The following UNC5D variants were observed in gnomAD, a reference collection of about 807,000 sequenced individuals.
UNC5D encodes the protein unc-5 netrin receptor D.
UNC5D carries 39 observed loss-of-function variants against 105.4 expected under a neutral mutation model. The ratio of observed to expected loss-of-function variants is 0.37; its 90% CI spans 0.29 to 0.48. The LOEUF (loss-of-function observed/expected upper bound fraction) is 0.48. Ranked by LOEUF, UNC5D falls within the 20% of genes least tolerant of loss-of-function variation. The pLI is 0.98. For missense variants in UNC5D, 991 were observed against 1,202.4 expected, an observed-to-expected ratio of 0.82 and a Z score of 2.60; for synonymous variants, 452 against 450.4, an observed-to-expected ratio of 1.00 and a Z score of -0.04.
chr8:35,353,465 C>T (rs776696605), intron 1 of UNC5D, among the ~76,000 whole-genome samples: 5 of 152,120 alleles, frequency 3.3e-5, no homozygotes, highest in Non-Finnish European at 7.3e-5. Flanking sequence ...TATAGAATCT[C>T]CACGTACATA....
chr8:35,265,092 A>T (rs1804766246), intron 1 of UNC5D, among the ~76,000 whole-genome samples: 1 of 152,242 alleles, frequency 6.6e-6, no homozygotes, highest in Admixed American at 6.5e-5. Flanking sequence ...GAGGAAAAAC[A>T]GTAACAGTCA....
chr8:35,273,070 AG>A (rs759696139), intron 1 of UNC5D, among the ~76,000 whole-genome samples: 10 of 152,180 alleles, frequency 6.6e-5, no homozygotes, highest in Non-Finnish European at 1.0e-4. Flanking sequence ...GACAACTGAA[AG>A]TTGTCAGCCA....
chr8:35,502,797 C>A (rs746131279), intron 1 of UNC5D, among the ~76,000 whole-genome samples: 1 of 151,878 alleles, frequency 6.6e-6, no homozygotes, highest in Non-Finnish European at 1.5e-5. Flanking sequence ...AATCTCCTGA[C>A]CTCGTGATCT....
At chr8:35,689,876 G>C (rs1039092347) in intron 7 of UNC5D, among the ~76,000 whole-genome samples, 1 of 152,122 alleles carries the variant, frequency 6.6e-6, no homozygotes, top group Non-Finnish European at 1.5e-5. Context: ...GGCACCCCAT[G>C]GCCCAGTCAA....
chr8:35,627,133 G>A (rs1821738724), intron 4 of UNC5D, among the ~76,000 whole-genome samples: 1 of 152,120 alleles, frequency 6.6e-6, no homozygotes, highest in Non-Finnish European at 1.5e-5. Context: ...TGTATTCAGG[G>A]ATTTTAAACT....
intron 14 of UNC5D, among the ~76,000 whole-genome samples, chr8:35,765,734 G>A (rs903503074): frequency 1.2e-4 from 19 of 152,234 alleles, no homozygotes; most frequent in South Asian, 8.3e-4. Flanking sequence ...CATTTCAATC[G>A]TGCTCTTTTA....
At chr8:35,514,254 C>A (rs895919255) in intron 1 of UNC5D, among the ~76,000 whole-genome samples, 4 of 152,190 alleles carry the variant, frequency 2.6e-5, no homozygotes, top group Admixed American at 1.3e-4. Flanking sequence ...TAGTGTGCAA[C>A]CTTCTCTCCC....
At chr8:35,427,721 T>G (rs1009459287) in intron 1 of UNC5D, among the ~76,000 whole-genome samples, 3 of 152,236 alleles carry the variant, frequency 2.0e-5, no homozygotes, top group African/African-American at 7.2e-5. Flanking sequence ...AATATACTGA[T>G]CAGACTAGAA....
intron 1 of UNC5D, among the ~76,000 whole-genome samples, chr8:35,341,441 T>G (rs1010389920): frequency 1.3e-5 from 2 of 150,682 alleles, no homozygotes; most frequent in African/African-American, 2.4e-5. Context: ...AGGAGCTTGT[T>G]TTTTTTTTTT....
At chr8:35,697,127 T>TTA (rs1380466589) in intron 7 of UNC5D, among the ~76,000 whole-genome samples, 6 of 145,564 alleles carry the variant, frequency 4.1e-5, no homozygotes, top group Admixed American at 3.4e-4. Flanking sequence ...ATACACATAC[T>TTA]TATATATATA....
At chr8:35,612,039 C>T (rs1164236496) in intron 4 of UNC5D, among the ~76,000 whole-genome samples, 4 of 152,188 alleles carry the variant, frequency 2.6e-5, no homozygotes, top group African/African-American at 9.6e-5. Flanking sequence ...GCCATAAAGG[C>T]TTAGTGTCTA....
intron 1 of UNC5D, among the ~76,000 whole-genome samples, chr8:35,328,138 A>G (rs1225055189): frequency 6.6e-6 from 1 of 152,200 alleles, no homozygotes; most frequent in Non-Finnish European, 1.5e-5. Context: ...CAACCCTTAT[A>G]TAATGTATAT....
At chr8:35,343,860 C>G (rs949851111) in intron 1 of UNC5D, among the ~76,000 whole-genome samples, 1 of 152,046 alleles carries the variant, frequency 6.6e-6, no homozygotes, top group Non-Finnish European at 1.5e-5. Context: ...TTTTAAAATT[C>G]TATTTAAGGA....
chr8:35,604,101 T>G (rs1022410625), intron 4 of UNC5D, among the ~76,000 whole-genome samples: 3 of 152,210 alleles, frequency 2.0e-5, no homozygotes, highest in Non-Finnish European at 4.4e-5. Flanking sequence ...GTTAGCTGGT[T>G]ATTTTGCTTG....
At position 35,693,826 on chromosome 8, in the gene UNC5D, A is replaced by T. The variant is rs111783612; in HGVS notation, c.1084+7117A>T. Among the ~76,000 whole-genome samples the T allele has an allele frequency of 6.4e-4, 98 of 152,276 alleles. 1 individual carries two copies. Among genetic ancestry groups the T allele is most frequent in the African/African-American group, 2.2e-3 (92 of 41,556 alleles). On this transcript the variant is annotated intron_variant, in intron 7 of 16. Transcript: ENST00000404895. ...GGAAGTCCTATGTAGCACTTCAGAA[A>T]CATAATCTCTGGAAGTTTGTTTCTC...
intron 2 of UNC5D, among the ~76,000 whole-genome samples, chr8:35,562,900 G>A (rs574957078): frequency 5.3e-5 from 8 of 152,076 alleles, no homozygotes; most frequent in African/African-American, 1.9e-4. Context: ...GTCCTGGAGA[G>A]TTTCTTCAAT....
intron 8 of UNC5D, among the ~76,000 whole-genome samples, chr8:35,709,804 C>T (rs891717522): frequency 1.3e-5 from 2 of 152,170 alleles, no homozygotes; most frequent in African/African-American, 4.8e-5. Flanking sequence ...GCAAAGGGAA[C>T]AGCAGGACAC....
At chr8:35,350,469 G>T (rs1463661081) in intron 1 of UNC5D, among the ~76,000 whole-genome samples, 1 of 151,878 alleles carries the variant, frequency 6.6e-6, no homozygotes, top group African/African-American at 2.4e-5. Context: ...ATAAGTATTT[G>T]TTTAATGTTT....
intron 1 of UNC5D, among the ~76,000 whole-genome samples, chr8:35,271,716 TAC>T (rs1359264264): frequency 6.5e-4 from 36 of 55,326 alleles, no homozygotes; most frequent in Admixed American, 2.8e-3. Context: ...TATATATTTA[TAC>T]ATGTATACAT....
Sources: allele counts gnomAD v4.1 joint callset (sites outside exome capture counted in the v4.1 genomes callset), GRCh38; gene constraint gnomAD v4.1.1; transcripts MANE v1.5; gene names NCBI Gene and HGNC (gene_info 2026-07-23, HGNC 2026-07-21).